ZNF804B: variants seen among roughly 807,000 people sequenced by gnomAD.
ZNF804B encodes zinc finger protein 804B.
A neutral mutation model predicts 101.4 loss-of-function variants in ZNF804B; 80 were observed. The ratio of observed to expected loss-of-function variants is 0.79; its 90% CI spans 0.66 to 0.95. The LOEUF is 0.95. Among genes scored for constraint, ZNF804B ranks in the 40% least tolerant of loss-of-function variants. The pLI, the probability that ZNF804B is intolerant of heterozygous loss-of-function variation, is 0.00. For synonymous variants in ZNF804B, 622 were observed against 558.8 expected (o/e 1.11, Z -1.59); for missense variants, 1,673 against 1,561.9 (o/e 1.07, Z -1.20).
At chr7:88,988,864 G>T (rs577830904) in intron 1 of ZNF804B, among the ~76,000 whole-genome samples, 1 of 152,240 alleles carries the variant, frequency 6.6e-6, no homozygotes, top group Admixed American at 6.5e-5. Context: ...TATATAACTT[G>T]CTGTCTATGT....
chr7:89,025,483 A>T (rs185481723), intron 1 of ZNF804B, among the ~76,000 whole-genome samples: 2 of 152,124 alleles, frequency 1.3e-5, no homozygotes, highest in African/African-American at 2.4e-5. Context: ...TTCAAAAGCA[A>T]TTATGCACGT....
intron 1 of ZNF804B, among the ~76,000 whole-genome samples, chr7:88,856,926 T>C (rs1791569809): frequency 6.6e-6 from 1 of 152,180 alleles, no homozygotes; most frequent in Admixed American, 6.6e-5. Context: ...TTTGTGTATG[T>C]TGAACCAGCC....
intron 1 of ZNF804B, among the ~76,000 whole-genome samples, chr7:88,931,848 C>T (rs905113753): frequency 6.6e-6 from 1 of 151,732 alleles, no homozygotes; most frequent in African/African-American, 2.4e-5. Context: ...CACTTGTTCA[C>T]ACTTGATCAA....
chr7:89,176,254 G>T (rs954897049), intron 1 of ZNF804B, among the ~76,000 whole-genome samples: 1 of 151,840 alleles, frequency 6.6e-6, no homozygotes, highest in Non-Finnish European at 1.5e-5. Flanking sequence ...TTGTGTAGAG[G>T]TATGTTCATT....
chr7:88,932,284 A>C (rs1792898869), intron 1 of ZNF804B, among the ~76,000 whole-genome samples: 1 of 151,830 alleles, frequency 6.6e-6, no homozygotes. Flanking sequence ...TTAAATGACT[A>C]CATCAAAAAG....
chr7:89,332,287 A>G (rs1790997186), intron 3 of ZNF804B, among the ~76,000 whole-genome samples: 1 of 151,892 alleles, frequency 6.6e-6, no homozygotes, highest in African/African-American at 2.4e-5. Flanking sequence ...AGAATTTGTT[A>G]GACAAGGACT....
intron 1 of ZNF804B, among the ~76,000 whole-genome samples, chr7:88,977,565 G>T (rs1793633395): frequency 6.6e-6 from 1 of 151,404 alleles, no homozygotes; most frequent in South Asian, 2.1e-4. Flanking sequence ...ATGAGCCTTT[G>T]AATTTTTGCA....
chr7:88,862,507 C>T (rs1177808402), intron 1 of ZNF804B, among the ~76,000 whole-genome samples: 1 of 152,110 alleles, frequency 6.6e-6, no homozygotes, highest in East Asian at 1.9e-4. Context: ...GTAGCTAATA[C>T]TATAGATACA....
intron 1 of ZNF804B, among the ~76,000 whole-genome samples, chr7:89,011,441 A>G (rs546413861): frequency 6.6e-6 from 1 of 152,254 alleles, no homozygotes; most frequent in South Asian, 2.1e-4. Flanking sequence ...CATTAACCCA[A>G]AAGTCCAGGT....
chr7:89,248,998 T>C (rs1021088474), intron 2 of ZNF804B, among the ~76,000 whole-genome samples: 3 of 133,368 alleles, frequency 2.2e-5, no homozygotes, highest in African/African-American at 8.4e-5. Context: ...TATTCTTATA[T>C]GAAACAAATC....
At chr7:89,164,169 T>C (rs1791109118) in intron 1 of ZNF804B, among the ~76,000 whole-genome samples, 1 of 152,030 alleles carries the variant, frequency 6.6e-6, no homozygotes, top group Non-Finnish European at 1.5e-5. Context: ...CTTATTAGCA[T>C]GTAAGTGACT....
intron 2 of ZNF804B, among the ~76,000 whole-genome samples, chr7:89,278,620 T>C (rs1004893833): frequency 6.6e-6 from 1 of 151,978 alleles, no homozygotes; most frequent in Non-Finnish European, 1.5e-5. Flanking sequence ...CCTTTCCCCA[T>C]TGCTTGTTTT....
intron 1 of ZNF804B, among the ~76,000 whole-genome samples, chr7:88,863,020 G>C (rs1402813318): frequency 6.6e-6 from 1 of 152,126 alleles, no homozygotes; most frequent in Non-Finnish European, 1.5e-5. Context: ...TGGCCATGAT[G>C]ATAAAAGCCT....
intron 1 of ZNF804B, among the ~76,000 whole-genome samples, chr7:89,188,283 C>T (rs1394106021): frequency 1.3e-5 from 2 of 152,002 alleles, no homozygotes; most frequent in Non-Finnish European, 2.9e-5. Flanking sequence ...TGTTTGGAGG[C>T]ACCAAGAACC....
rs780321138 is a variant in ZNF804B at position 89,335,638 on chromosome 7, G to A, written c.2656G>A (p.Val886Ile). 1 of 1,614,004 alleles carries A rather than the reference G, an allele frequency of 6.2e-7. No individual in the cohort carries two copies. The highest frequency in any genetic ancestry group is 1.1e-5 in the South Asian group (1 of 91,086). Residue 886 changes from valine (V) to isoleucine (I), a missense_variant, in exon 4 of 4, where the codon GTC (valine) becomes ATC (isoleucine). Coordinates refer to ENST00000333190, the MANE Select transcript of ZNF804B (RefSeq NM_181646.5). ...GSPHICDLGKVRPMKCNSGNI... is the reference protein window; with the variant it reads ...GSPHICDLGKIRPMKCNSGNI... ...CCCTCACATTTGTGATCTGGGAAAA[G>A]TCAGGCCCATGAAGTGTAACTCCGG...
chr7:89,150,866 T>A (rs993876707), intron 1 of ZNF804B, among the ~76,000 whole-genome samples: 5 of 152,046 alleles, frequency 3.3e-5, no homozygotes, highest in Non-Finnish European at 7.4e-5. Context: ...GGTATACAGA[T>A]ATTGTGAGGC....
At chr7:88,856,935 C>G (rs1484555075) in intron 1 of ZNF804B, among the ~76,000 whole-genome samples, 10 of 152,204 alleles carry the variant, frequency 6.6e-5, no homozygotes, top group African/African-American at 2.2e-4. Context: ...GTTGAACCAG[C>G]CTTGCATCCC....
At chr7:88,958,164 C>A (rs1793339228) in intron 1 of ZNF804B, among the ~76,000 whole-genome samples, 1 of 151,306 alleles carries the variant, frequency 6.6e-6, no homozygotes, top group African/African-American at 2.4e-5. Flanking sequence ...TTGGAGCCCA[C>A]TTGGATCTAG....
intron 1 of ZNF804B, among the ~76,000 whole-genome samples, chr7:88,971,025 A>AT (rs1793529980): frequency 6.6e-6 from 1 of 151,248 alleles, no homozygotes; most frequent in Non-Finnish European, 1.5e-5. Flanking sequence ...GAATAAAAAA[A>AT]TAAAAAAAAA....
Sources: allele counts gnomAD v4.1 joint callset (sites outside exome capture counted in the v4.1 genomes callset), GRCh38; gene constraint gnomAD v4.1.1; transcripts MANE v1.5; gene names NCBI Gene and HGNC (gene_info 2026-07-23, HGNC 2026-07-21).